Variants in NEMF observed in about 807,000 individuals in gnomAD.
The protein encoded by NEMF is nuclear export mediator factor, also known as ribosome quality control complex subunit NEMF.
A neutral mutation model predicts 162.2 loss-of-function variants in NEMF; 89 were observed. The ratio of observed to expected loss-of-function variants is 0.55; its 90% CI spans 0.46 to 0.65. The LOEUF (loss-of-function observed/expected upper bound fraction) is 0.65. Among genes scored for constraint, NEMF ranks in the 30% least tolerant of loss-of-function variants. NEMF has a pLI of 0.00. For synonymous variants in NEMF, 421 were observed against 404.5 expected (o/e 1.04, Z -0.49); for missense variants, 1,133 against 1,261.9 (o/e 0.90, Z 1.55).
intron 16 of NEMF, among the ~76,000 whole-genome samples, chr14:49,818,119 G>A (rs1386775606): frequency 1.4e-5 from 2 of 138,540 alleles, no homozygotes; most frequent in Non-Finnish European, 3.0e-5. Flanking sequence ...ACAGAGTCTC[G>A]CACTGTCACC....
intron 4 of NEMF, among the ~76,000 whole-genome samples, chr14:49,843,927 C>T (rs1465210250): frequency 6.6e-6 from 1 of 152,040 alleles, no homozygotes; most frequent in Non-Finnish European, 1.5e-5. Context: ...GGTGAAACCC[C>T]ATCTCTACTA....
At chr14:49,836,210 T>C (rs1185843386) in intron 6 of NEMF, among the ~76,000 whole-genome samples, 1 of 152,134 alleles carries the variant, frequency 6.6e-6, no homozygotes, top group Non-Finnish European at 1.5e-5. Context: ...ACCCAGGAAA[T>C]GGAGGTTGCA....
Position 49,789,275 on chromosome 14 carries a change from C to G in NEMF, c.2766G>C (p.Val922=), listed in dbSNP as rs1890330845. The G allele has an allele frequency of 6.2e-7, 1 of 1,614,062 alleles. No individual in the cohort carries two copies. Among genetic ancestry groups the G allele is most frequent in the Non-Finnish European group, 8.5e-7 (1 of 1,180,038 alleles). The change falls in exon 28 of 33, where the codon GTG becomes GTC. Residue 922 remains valine (V), a synonymous_variant. Coordinates refer to ENST00000298310, the MANE Select transcript of NEMF (RefSeq NM_004713.6). ...GKKGKTKDEP[V]KKQPQKPRGG... ...CTCTAGGTTTCTGGGGCTGTTTCTT[C>G]ACAGGTTCGTCCTTTGTTTTTCCTT...
At chr14:49,850,335 G>C (rs1227733403) in intron 3 of NEMF, among the ~76,000 whole-genome samples, 1 of 152,124 alleles carries the variant, frequency 6.6e-6, no homozygotes, top group African/African-American at 2.4e-5. Flanking sequence ...TGATCCACCT[G>C]CCTCAGCCTC....
rs759245227 is a variant in NEMF, at chr14:49,829,206, T to C, written c.1080A>G (p.Arg360=). The C allele has an allele frequency of 6.2e-6, 10 of 1,614,202 alleles. No individual in the cohort carries two copies. The highest frequency in any genetic ancestry group is 7.6e-6 in the Non-Finnish European group (9 of 1,180,030). The change falls in exon 13 of 33, where the codon AGA becomes AGG. Residue 360 remains arginine (R), a synonymous_variant. Coordinates refer to ENST00000298310, the MANE Select transcript of NEMF (RefSeq NM_004713.6). ...LIEMNLQIVD[R]AIQVVRSALA... ...AAGCACTTCGAACTACCTGAATGGC[T>C]CTGTCAACTATTTGTAGGTTCATTT...
At chr14:49,841,365 G>A (rs576374191) in intron 4 of NEMF, among the ~76,000 whole-genome samples, 7 of 151,288 alleles carry the variant, frequency 4.6e-5, no homozygotes, top group African/African-American at 7.3e-5. Flanking sequence ...ACCTGAGGTC[G>A]GGAGTTCAAA....
chr14:49,800,578 T>C lies in NEMF; in HGVS notation c.2214A>G (p.Leu738=). Residue 738 remains leucine, a synonymous_variant, in exon 23 of 33, where the codon CTA becomes CTG. Transcript: ENST00000298310. ...DITLQSGRDE[L]NEELIQEESS... is the part of the protein sequence containing the mutation. Reference sequence around the variant, plus strand: ...TTTCTTCCTGAATGAGCTCCTCATTTAGTTCATCTCTGCCACTCTGAAGAG... The same window carrying C: ...TTTCTTCCTGAATGAGCTCCTCATTCAGTTCATCTCTGCCACTCTGAAGAG... The C allele has an allele frequency of 6.2e-7, 1 of 1,614,032 alleles. No homozygotes were observed. Among genetic ancestry groups the C allele is most frequent in the Non-Finnish European group, 8.5e-7 (1 of 1,179,952 alleles).
intron 19 of NEMF, among the ~76,000 whole-genome samples, chr14:49,805,708 G>T (rs1196263949): frequency 1.3e-5 from 2 of 151,970 alleles, no homozygotes; most frequent in East Asian, 3.8e-4. Context: ...ATAATAACTG[G>T]AACACTCTTT....
At chr14:49,789,437 C>G in intron 27 of NEMF, 59 bp downstream of exon 27, 1 of 1,610,808 alleles carries the variant, frequency 6.2e-7, no homozygotes, top group Non-Finnish European at 8.5e-7. Context: ...ATACGCTAGG[C>G]AGTGGGCTAG....
intron 3 of NEMF, among the ~76,000 whole-genome samples, chr14:49,850,985 C>A (rs1225380845): frequency 6.6e-6 from 1 of 152,194 alleles, no homozygotes; most frequent in African/African-American, 2.4e-5. Context: ...TGGCGGATCA[C>A]CTGAGGTCAC....
chr14:49,810,984 TCAAAA>T (rs1891450900), intron 18 of NEMF, among the ~76,000 whole-genome samples: 1 of 152,114 alleles, frequency 6.6e-6, no homozygotes, highest in South Asian at 2.1e-4. Context: ...AGACCCTGTT[TCAAAA>T]CAAAACAAAA....
Position 49,852,712 on chromosome 14 carries a change from G to C in NEMF, c.42C>G (p.Leu14=). 1.9e-6 allele frequency: 3 copies of C among 1,614,246 alleles called. No homozygotes were observed. Among genetic ancestry groups the C allele is most frequent in the Non-Finnish European group, 2.5e-6 (3 of 1,180,054 alleles). ...TACTGTACCTAGCATTCAGCTCCGC[G>C]AGTACGGCGCGGAGGTCAATGGTGC... ...RFSTIDLRAV[L]AELNASLLGM... Residue 14 remains leucine, a synonymous_variant, in exon 1 of 33, where the codon CTC becomes CTG. Transcript: ENST00000298310.
At chr14:49,843,888 C>A (rs1940183370) in intron 4 of NEMF, among the ~76,000 whole-genome samples, 1 of 152,190 alleles carries the variant, frequency 6.6e-6, no homozygotes, top group Admixed American at 6.5e-5. Context: ...CACCTGAGGT[C>A]AGGAGTTTGA....
chr14:49,840,697 T>A (rs760196470), intron 5 of NEMF, 21 bp downstream of exon 5: 9 of 1,601,260 alleles, frequency 5.6e-6, no homozygotes, highest in Admixed American at 3.5e-5. Flanking sequence ...ACGAAATGGG[T>A]TTAAAAACAA....
At chr14:49,802,618 TAA>T (rs775102258) in intron 21 of NEMF, 45 bp from the exon 22 acceptor site, 1 of 1,611,458 alleles carries the variant, frequency 6.2e-7, no homozygotes, top group Non-Finnish European at 8.5e-7. Context: ...CAGACAAGAC[TAA>T]TGAAAATCAG....
intron 4 of NEMF, 160 bp downstream of exon 4, chr14:49,845,980 T>C: frequency 1.7e-6 from 1 of 582,158 alleles, no homozygotes; most frequent in Non-Finnish European, 2.9e-6. Context: ...ATGAAGGTTA[T>C]TACTGGAAAA....
chr14:49,802,515 T>C lies in NEMF; in HGVS notation c.2033A>G (p.Glu678Gly), dbSNP rs1891003867. The C allele has an allele frequency of 9.3e-6, 15 of 1,614,000 alleles. No individual in the cohort carries two copies. The highest frequency in any genetic ancestry group is 1.3e-5 in the Non-Finnish European group (15 of 1,179,908). ...QGERKVRVQD[E>G]DMETLASCTS... ...ACAACTTGCCAGTGTCTCCATGTCTTCATCCTGTACTCTGACTTTTCGTTC... is the reference window on the plus strand; with the variant it reads ...ACAACTTGCCAGTGTCTCCATGTCTCCATCCTGTACTCTGACTTTTCGTTC... Residue 678 changes from glutamate to glycine, a missense_variant, in exon 22 of 33, where the codon GAA (glutamate) becomes GGA (glycine). Physicochemically the swap from Glu to Gly is moderately conservative, Grantham distance 98. Coordinates refer to ENST00000298310, the MANE Select transcript of NEMF (RefSeq NM_004713.6).
At chr14:49,852,469 G>A (rs541093247) in intron 1 of NEMF, among the ~76,000 whole-genome samples, 2 of 152,396 alleles carry the variant, frequency 1.3e-5, no homozygotes, top group African/African-American at 4.8e-5. Flanking sequence ...GGGCAAGCCA[G>A]AGAGCTGGGA....
intron 26 of NEMF, among the ~76,000 whole-genome samples, chr14:49,790,078 A>G (rs7155344): frequency 0.97 from 147,925 of 152,270 alleles, 72,011 homozygotes; most frequent in Middle Eastern, 1. Flanking sequence ...TCTAGGCCCC[A>G]CCCTAGAGAT....
Sources: allele counts gnomAD v4.1 joint callset (sites outside exome capture counted in the v4.1 genomes callset), GRCh38; gene constraint gnomAD v4.1.1; transcripts MANE v1.5; gene names NCBI Gene and HGNC (gene_info 2026-07-23, HGNC 2026-07-21).